Variants in TLL1 observed in about 807,000 individuals in gnomAD.
TLL1 encodes the protein tolloid like 1, also known as tolloid-like protein 1.
Under a neutral mutation model 128.2 loss-of-function variants are expected in TLL1, and 49 were observed. The observed-to-expected ratio is 0.38, with a 90% CI of 0.30 to 0.48. The LOEUF (loss-of-function observed/expected upper bound fraction) is 0.48, where lower values mean the gene tolerates loss of function less well. Ranked by LOEUF, TLL1 falls within the 20% of genes least tolerant of loss-of-function variation. The pLI, the probability that TLL1 is intolerant of heterozygous loss-of-function variation, is 0.96. For missense variants in TLL1, 1,123 were observed against 1,242.0 expected (o/e 0.90, Z 1.44); for synonymous variants, 454 against 418.8 (o/e 1.08, Z -1.03).
Position 166,025,298 on chromosome 4 carries a change from A to G in TLL1, c.1043-18A>G, listed in dbSNP as rs575853784. 3 of 1,508,152 alleles carry G rather than the reference A, an allele frequency of 2.0e-6. No homozygotes were observed. The highest frequency in any genetic ancestry group is 1.7e-5 in the Admixed American group (1 of 59,864). 93.4% of individuals were successfully genotyped at this position (1,508,152 alleles called of 1,614,324 possible). On this transcript the variant is annotated intron_variant, in intron 8 of 20. Transcript: ENST00000061240. ...TATATAAATTAACCAATGATCTTATATATTTTTTTCCTTTCAGCATGTGGA... is the reference window on the plus strand; with the variant it reads ...TATATAAATTAACCAATGATCTTATGTATTTTTTTCCTTTCAGCATGTGGA...
intron 5 of TLL1, among the ~76,000 whole-genome samples, chr4:165,998,349 C>T (rs1318112425): frequency 6.6e-6 from 1 of 151,970 alleles, no homozygotes; most frequent in African/African-American, 2.4e-5. Context: ...TTTTGTGGAA[C>T]AATCTTACTT....
At chr4:165,921,492 C>T (rs117048973) in intron 1 of TLL1, among the ~76,000 whole-genome samples, 3,047 of 152,286 alleles carry the variant, frequency 0.02, 74 homozygotes, top group East Asian at 0.1. Context: ...CCTTCTCTTT[C>T]TTTCTTAACA....
rs1237118194 is a variant in TLL1 at position 166,019,566 on chromosome 4, G to A, written c.1042+5006G>A. On this transcript the variant is annotated intron_variant, in intron 8 of 20. Coordinates refer to ENST00000061240, the MANE Select transcript of TLL1 (RefSeq NM_012464.5). ...CATTTTATGGCACTGTTTTGTAGAG[G>A]TTAATCTTGAAAAAAATACTGACCT... Among the ~76,000 whole-genome samples, 5 of 152,000 alleles carry A rather than the reference G, an allele frequency of 3.3e-5. No homozygotes were observed. The East Asian group carries it at 9.7e-4, about 29-fold the overall frequency.
intron 5 of TLL1, among the ~76,000 whole-genome samples, chr4:165,997,684 T>G (rs1036358119): frequency 2.0e-5 from 3 of 152,216 alleles, no homozygotes; most frequent in African/African-American, 4.8e-5. Context: ...TTGGTAACTT[T>G]TCTGTATCAG....
chr4:166,035,423 A>G (rs925094485), intron 9 of TLL1, among the ~76,000 whole-genome samples: 1 of 152,156 alleles, frequency 6.6e-6, no homozygotes, highest in African/African-American at 2.4e-5. Flanking sequence ...GGATTACCTG[A>G]GTATTTTTCT....
chr4:166,067,478 T>C (rs560190593), intron 16 of TLL1, among the ~76,000 whole-genome samples: 100 of 151,870 alleles, frequency 6.6e-4, no homozygotes, highest in Admixed American at 1.4e-3. Flanking sequence ...AAGATGCTGT[T>C]CTCCACCACA....
At chr4:165,928,009 C>T (rs1257186441) in intron 1 of TLL1, among the ~76,000 whole-genome samples, 2 of 152,028 alleles carry the variant, frequency 1.3e-5, no homozygotes, top group African/African-American at 4.8e-5. Flanking sequence ...CTGTTTTACG[C>T]TAAATGTAAG....
chr4:165,953,223 G>T (rs544128046), intron 1 of TLL1, among the ~76,000 whole-genome samples: 1 of 152,136 alleles, frequency 6.6e-6, no homozygotes, highest in Admixed American at 6.5e-5. Context: ...GTGGGAGACG[G>T]GTCCAAGTGA....
chr4:165,890,524 A>T (rs1731352386), intron 1 of TLL1, among the ~76,000 whole-genome samples: 2 of 152,266 alleles, frequency 1.3e-5, no homozygotes, highest in Admixed American at 6.5e-5. Context: ...GAAATTAGCC[A>T]AAACATAGGG....
intron 1 of TLL1, among the ~76,000 whole-genome samples, chr4:165,960,550 T>C (rs1735047115): frequency 6.6e-6 from 1 of 152,014 alleles, no homozygotes; most frequent in South Asian, 2.1e-4. Flanking sequence ...TGAACATAGA[T>C]GCAAAAATTC....
At position 166,074,901 on chromosome 4, in the gene TLL1, A is replaced by G; in HGVS notation, c.2212A>G (p.Asn738Asp). The G allele has an allele frequency of 1.2e-6, 2 of 1,613,430 alleles. No homozygotes were observed. Among genetic ancestry groups the G allele is most frequent in the East Asian group, 2.2e-5 (1 of 44,798 alleles). Residue 738 changes from asparagine (N) to aspartate (D), a missense_variant, in exon 17 of 21, where the codon AAT (asparagine) becomes GAT (aspartate). Physicochemically the swap from Asn to Asp is conservative, Grantham distance 23. Transcript: ENST00000061240. ...AGACAAAGATGAATGCTCTAAGGAT[A>G]ATGGTGGATGTCAGCACGAATGTGT... The part of the protein sequence containing the change: ...FSDKDECSKD[N>D]GGCQHECVNT...
chr4:166,041,998 G>A, intron 10 of TLL1, 29 bp from the exon 11 acceptor site: 1 of 1,485,302 alleles, frequency 6.7e-7, no homozygotes, highest in Non-Finnish European at 9.4e-7. Flanking sequence ...CTATTTAGGA[G>A]TTTCTCTTTA....
intron 9 of TLL1, among the ~76,000 whole-genome samples, chr4:166,035,398 C>G (rs1187342408): frequency 6.6e-6 from 1 of 152,000 alleles, no homozygotes; most frequent in Non-Finnish European, 1.5e-5. Context: ...ACATAAGAAT[C>G]TTAATAGTGC....
intron 18 of TLL1, among the ~76,000 whole-genome samples, chr4:166,079,045 C>T (rs1014071352): frequency 7.2e-5 from 11 of 152,144 alleles, no homozygotes; most frequent in African/African-American, 2.7e-4. Context: ...AATCTCTATA[C>T]TTGTAAGTGA....
intron 1 of TLL1, among the ~76,000 whole-genome samples, chr4:165,931,942 G>A (rs1733547474): frequency 6.6e-6 from 1 of 152,142 alleles, no homozygotes; most frequent in African/African-American, 2.4e-5. Flanking sequence ...TCAGGCGAGT[G>A]ACTCAGAATT....
chr4:165,968,555 A>G (rs939230531), intron 1 of TLL1, among the ~76,000 whole-genome samples: 3 of 152,114 alleles, frequency 2.0e-5, no homozygotes, highest in Non-Finnish European at 4.4e-5. Flanking sequence ...TGAGCTAAGG[A>G]CTATTTTTGC....
At chr4:165,911,213 T>C (rs1213360456) in intron 1 of TLL1, among the ~76,000 whole-genome samples, 1 of 152,200 alleles carries the variant, frequency 6.6e-6, no homozygotes, top group Non-Finnish European at 1.5e-5. Context: ...TCCCAGTCTC[T>C]GATAATTATT....
intron 18 of TLL1, among the ~76,000 whole-genome samples, chr4:166,088,969 T>A (rs1395017046): frequency 2.0e-5 from 3 of 152,184 alleles, no homozygotes; most frequent in Admixed American, 2.0e-4. Context: ...CTGTAAACTC[T>A]GATTCCAGCT....
chr4:166,059,133 A>C (rs1282960048), intron 14 of TLL1, among the ~76,000 whole-genome samples: 1 of 145,496 alleles, frequency 6.9e-6, no homozygotes, highest in Non-Finnish European at 1.5e-5. Flanking sequence ...ATCATAATTT[A>C]CCAAGAAAGT....
Sources: allele counts gnomAD v4.1 joint callset (sites outside exome capture counted in the v4.1 genomes callset), GRCh38; gene constraint gnomAD v4.1.1; transcripts MANE v1.5; gene names NCBI Gene and HGNC (gene_info 2026-07-23, HGNC 2026-07-21).